CSMD1: variants seen among roughly 807,000 people sequenced by gnomAD.
CSMD1 encodes the protein CUB and Sushi multiple domains 1, also known as CUB and sushi domain-containing protein 1.
A neutral mutation model predicts 417.5 loss-of-function variants in CSMD1; 213 were observed. The ratio of observed to expected loss-of-function variants is 0.51; its 90% CI spans 0.46 to 0.57. CSMD1 has a LOEUF of 0.57. Among genes scored for constraint, CSMD1 ranks in the 20% least tolerant of loss-of-function variants. The pLI is 0.00. For missense variants in CSMD1, 6,923 were observed against 4,529.7 expected (o/e 1.53, Z -15.17); for synonymous variants, 2,862 against 1,736.8 (o/e 1.65, Z -16.11).
intron 1 of CSMD1, among the ~76,000 whole-genome samples, chr8:4,803,951 A>T (rs1798448644): frequency 6.6e-6 from 1 of 152,202 alleles, no homozygotes; most frequent in African/African-American, 2.4e-5. Flanking sequence ...TTCATGCAAG[A>T]CAAGTCTTTA....
intron 25 of CSMD1, among the ~76,000 whole-genome samples, chr8:3,305,248 G>C (rs910080258): frequency 1.3e-5 from 2 of 152,004 alleles, no homozygotes; most frequent in African/African-American, 4.8e-5. Context: ...ATTAAATTCT[G>C]TTACTCAGCT....
chr8:3,419,122 A>C (rs58203164), intron 12 of CSMD1, among the ~76,000 whole-genome samples: 1 of 152,180 alleles, frequency 6.6e-6, no homozygotes, highest in Non-Finnish European at 1.5e-5. Flanking sequence ...GAGGCTTCTC[A>C]ATGACGCAAG....
rs2117210423 is a variant in CSMD1, at chr8:4,786,067, T to C, written c.86-148509A>G. The stretch of plus-strand genomic sequence containing the variant: ...AACATTTGTACATAAATTATAAAAA[T>C]ACGAATAAAATGGCTACTGTGCAGA... On this transcript the variant is annotated intron_variant, in intron 1 of 69. Transcript: ENST00000635120. Among the ~76,000 whole-genome samples the C allele has an allele frequency of 1.3e-5, 2 of 152,166 alleles. 1 individual carries two copies. The highest frequency in any genetic ancestry group is 6.8e-3 in the Middle Eastern group (2 of 294).
chr8:3,390,720 A>C (rs1051079213), intron 17 of CSMD1, among the ~76,000 whole-genome samples: 1 of 152,242 alleles, frequency 6.6e-6, no homozygotes, highest in East Asian at 1.9e-4. Flanking sequence ...TTAATGAATA[A>C]AGGGAGTTGA....
intron 3 of CSMD1, among the ~76,000 whole-genome samples, chr8:4,211,048 T>A (rs1031444158): frequency 6.6e-6 from 1 of 152,194 alleles, no homozygotes; most frequent in African/African-American, 2.4e-5. Context: ...TACAAACACA[T>A]TTCCTTCCTT....
At chr8:3,473,828 G>C (rs1817245638) in intron 11 of CSMD1, among the ~76,000 whole-genome samples, 1 of 152,146 alleles carries the variant, frequency 6.6e-6, no homozygotes, top group Non-Finnish European at 1.5e-5. Flanking sequence ...AAAGAAAGGA[G>C]ATTTAACTGA....
In CSMD1 at chr8:2,936,268, T is replaced by A. The variant is rs1349558743; in HGVS notation, c.*2317A>T. 3.3e-5 allele frequency: 5 copies of A among 152,038 alleles called. No homozygotes were observed. The highest frequency in any genetic ancestry group is 3.3e-4 in the Admixed American group (5 of 15,264). 9.4% of individuals were successfully genotyped at this position (152,038 alleles called of 1,614,324 possible). A position where few individuals can be genotyped will look rare whatever the true frequency, so the allele number is the denominator to read the frequency against. ...TCATTTCAGGATTTCATAGCATCGT[T>A]GACCAGGGAGCAGGTCAGGGATATG... On this transcript the variant is annotated 3_prime_UTR_variant, in exon 70 of 70. Coordinates refer to ENST00000635120, the MANE Select transcript of CSMD1 (RefSeq NM_033225.6).
intron 3 of CSMD1, among the ~76,000 whole-genome samples, chr8:4,297,042 C>T (rs1029644036): frequency 5.9e-5 from 9 of 151,960 alleles, no homozygotes; most frequent in African/African-American, 1.2e-4. Flanking sequence ...TACATTTTTA[C>T]GCCAATAAAA....
At chr8:3,529,967 G>A (rs1797910290) in intron 10 of CSMD1, among the ~76,000 whole-genome samples, 1 of 152,098 alleles carries the variant, frequency 6.6e-6, no homozygotes, top group Non-Finnish European at 1.5e-5. Context: ...CCCACGAAAT[G>A]ATGTGCCATA....
chr8:4,533,207 T>C (rs1796926934), intron 2 of CSMD1, among the ~76,000 whole-genome samples: 1 of 152,200 alleles, frequency 6.6e-6, no homozygotes, highest in African/African-American at 2.4e-5. Context: ...TAGTACTACA[T>C]TTTAAACATG....
chr8:4,455,107 G>T (rs78177994), intron 2 of CSMD1, among the ~76,000 whole-genome samples: 31 of 152,174 alleles, frequency 2.0e-4, no homozygotes, highest in Non-Finnish European at 3.7e-4. Flanking sequence ...GGTCTGACAC[G>T]TAATAAAGGA....
chr8:4,204,773 G>C (rs550659622), intron 3 of CSMD1, among the ~76,000 whole-genome samples: 3 of 152,064 alleles, frequency 2.0e-5, no homozygotes, highest in African/African-American at 7.2e-5. Context: ...TCCTGCCTCA[G>C]CCTCCTGAGT....
intron 2 of CSMD1, among the ~76,000 whole-genome samples, chr8:4,424,103 A>T (rs1052200987): frequency 1.3e-5 from 2 of 152,076 alleles, no homozygotes; most frequent in African/African-American, 4.8e-5. Flanking sequence ...TAGGAAAAAA[A>T]TAGGGGAAAG....
intron 5 of CSMD1, among the ~76,000 whole-genome samples, chr8:3,979,410 T>A (rs1049714240): frequency 6.6e-6 from 1 of 152,104 alleles, no homozygotes; most frequent in African/African-American, 2.4e-5. Flanking sequence ...AGAGGCTACA[T>A]GGAAAAGCTG....
chr8:4,367,228 G>A (rs951281740), intron 3 of CSMD1, among the ~76,000 whole-genome samples: 1 of 152,248 alleles, frequency 6.6e-6, no homozygotes, highest in East Asian at 1.9e-4. Flanking sequence ...TGTATGTGGT[G>A]TAAGGAAGGG....
intron 3 of CSMD1, among the ~76,000 whole-genome samples, chr8:4,298,913 T>C (rs568982195): frequency 1.7e-4 from 26 of 152,208 alleles, no homozygotes; most frequent in African/African-American, 6.3e-4. Context: ...TATATGTATA[T>C]ATACACACAT....
intron 4 of CSMD1, among the ~76,000 whole-genome samples, chr8:4,027,140 C>G (rs987751142): frequency 2.0e-5 from 3 of 152,172 alleles, no homozygotes; most frequent in Non-Finnish European, 2.9e-5. Flanking sequence ...ATGTTGGGTA[C>G]ACTACCAGGT....
chr8:4,809,365 T>C (rs1446698144), intron 1 of CSMD1, among the ~76,000 whole-genome samples: 1 of 152,236 alleles, frequency 6.6e-6, no homozygotes, highest in Non-Finnish European at 1.5e-5. Context: ...CAACTGCTTC[T>C]AAAATCTCCC....
chr8:3,816,189 T>A (rs1285464464), intron 5 of CSMD1, among the ~76,000 whole-genome samples: 1 of 152,174 alleles, frequency 6.6e-6, no homozygotes, highest in Non-Finnish European at 1.5e-5. Flanking sequence ...GCTCTCTGCA[T>A]CTGGGAGAAT....
Sources: allele counts gnomAD v4.1 joint callset (sites outside exome capture counted in the v4.1 genomes callset), GRCh38; gene constraint gnomAD v4.1.1; transcripts MANE v1.5; gene names NCBI Gene and HGNC (gene_info 2026-07-23, HGNC 2026-07-21).